SPI1: variants seen among roughly 807,000 people sequenced by gnomAD.
SPI1 encodes transcription factor PU.1.
A neutral mutation model predicts 30.7 loss-of-function variants in SPI1; 3 were observed. The observed-to-expected ratio is 0.10, with a 90% CI of 0.04 to 0.25. The LOEUF is 0.25. Ranked by LOEUF, SPI1 falls within the 10% of genes least tolerant of loss-of-function variation. The pLI is 1.00. For missense variants in SPI1, 261 were observed against 371.5 expected, an observed-to-expected ratio of 0.70 and a Z score of 2.45; for synonymous variants, 169 against 157.1, an observed-to-expected ratio of 1.08 and a Z score of -0.56.
Position 47,354,947 on chromosome 11 carries a change from G to T in SPI1, c.*280C>A. On this transcript the variant is annotated 3_prime_UTR_variant, in exon 5 of 5. Transcript: ENST00000378538. ...GGAGATCTGATTTACATACGGACTT[G>T]AGACTCCCAAGGCAGTACCCCGGGT... 3.3e-6 allele frequency: 1 copy of T among 304,930 alleles called. No homozygotes were observed. Among genetic ancestry groups the T allele is most frequent in the Non-Finnish European group, 6.0e-6 (1 of 165,678 alleles). The allele number at this position is 304,930 out of a possible 1,614,324, so 18.9% of individuals were successfully genotyped here.
At chr11:47,370,658 C>A (rs1036433892) in intron 2 of SPI1, among the ~76,000 whole-genome samples, 4 of 152,150 alleles carry the variant, frequency 2.6e-5, no homozygotes, top group African/African-American at 4.8e-5. Flanking sequence ...GCAGAGATTG[C>A]GCCACTGTGC....
rs186001414 is a variant in SPI1, at chr11:47,373,277, G to A, written c.142+2356C>T. On this transcript the variant is annotated intron_variant, in intron 2 of 4. Coordinates refer to ENST00000378538, the MANE Select transcript of SPI1 (RefSeq NM_003120.3). Reference sequence around the variant, plus strand: ...TGAGGCAGGAGAATCGCTTGAATCCGGGAGGCGGAGGTTGCAGTGAGCCAA... The same window carrying A: ...TGAGGCAGGAGAATCGCTTGAATCCAGGAGGCGGAGGTTGCAGTGAGCCAA... Among the ~76,000 whole-genome samples, 903 of 151,540 alleles carry A rather than the reference G, an allele frequency of 6.0e-3. 3 individuals carry two copies. Among genetic ancestry groups the A allele is most frequent in the Non-Finnish European group, 9.1e-3 (617 of 67,852 alleles).
At chr11:47,365,332 A>T (rs1054316959) in intron 2 of SPI1, among the ~76,000 whole-genome samples, 4 of 152,158 alleles carry the variant, frequency 2.6e-5, no homozygotes, top group Non-Finnish European at 4.4e-5. Context: ...ATTTCTACAG[A>T]CCGGTAGGCA....
chr11:47,373,013 G>T (rs2095937874), intron 2 of SPI1, among the ~76,000 whole-genome samples: 2 of 152,152 alleles, frequency 1.3e-5, no homozygotes, highest in South Asian at 4.1e-4. Flanking sequence ...GTGTGTGGGG[G>T]TCTCTATGGT....
rs781405609 is a variant in SPI1, at chr11:47,375,624, CG to C, written c.142+8del. 17 of 1,610,642 alleles carry C rather than the reference CG, an allele frequency of 1.1e-5. No individual in the cohort carries two copies. Among genetic ancestry groups the C allele is most frequent in the Non-Finnish European group, 1.1e-5 (13 of 1,176,954 alleles). On this transcript the variant is annotated splice_region_variant and intron_variant, in intron 2 of 4. Coordinates refer to ENST00000378538, the MANE Select transcript of SPI1 (RefSeq NM_003120.3). This position sits in a 1 kb window ranked among gnomAD's most constrained non-coding sequence, Gnocchi z 4.2. ...TGGGGGATGGGGGCGTGGCAGGCCC[CG>C]TACTCACCGCTATGGCTCTCCCCAT...
intron 2 of SPI1, among the ~76,000 whole-genome samples, chr11:47,368,571 A>G (rs1235926562): frequency 1.3e-5 from 2 of 152,254 alleles, no homozygotes; most frequent in South Asian, 2.1e-4. Flanking sequence ...ATACAATGGA[A>G]TATGATTCAA....
At chr11:47,372,061 A>T (rs2095936649) in intron 2 of SPI1, among the ~76,000 whole-genome samples, 1 of 151,170 alleles carries the variant, frequency 6.6e-6, no homozygotes, top group Admixed American at 6.6e-5. Context: ...CCCCATGTAG[A>T]CACTCCGCAT....
chr11:47,355,768 GCACT>G (rs1343599701), intron 4 of SPI1, among the ~76,000 whole-genome samples: 1 of 118,550 alleles, frequency 8.4e-6, no homozygotes, highest in Non-Finnish European at 1.8e-5. Flanking sequence ...TCACACCCAC[GCACT>G]CACCCCCCCC....
At chr11:47,356,677 C>G (rs1329194722) in intron 4 of SPI1, among the ~76,000 whole-genome samples, 1 of 151,754 alleles carries the variant, frequency 6.6e-6, no homozygotes, top group Non-Finnish European at 1.5e-5. Context: ...ACCCTCACAC[C>G]TTACATTGCT....
At position 47,359,970 on chromosome 11, in the gene SPI1, C is replaced by T. The variant is rs760889389; in HGVS notation, c.213G>A (p.Thr71=). 1.7e-5 allele frequency: 28 copies of T among 1,609,748 alleles called. No individual in the cohort carries two copies. The highest frequency in any genetic ancestry group is 1.5e-4 in the Admixed American group (9 of 59,774). ...GCGGGGGCTGCACGCTCTGGAGCTC[C>T]GTGAAGTTGTTCTCGGCGAAGCTCT... ...EFESFAENNF[T]ELQSVQPPQL... is the part of the protein sequence containing the mutation. Residue 71 remains threonine (T), a synonymous_variant, in exon 3 of 5, where the codon ACG becomes ACA. Coordinates refer to ENST00000378538, the MANE Select transcript of SPI1 (RefSeq NM_003120.3). The surrounding 1 kb of genome is among the most constrained non-coding windows in gnomAD (Gnocchi z 5.1).
intron 4 of SPI1, among the ~76,000 whole-genome samples, chr11:47,357,097 T>A (rs2095911824): frequency 1.4e-5 from 2 of 146,828 alleles, no homozygotes; most frequent in Non-Finnish European, 3.0e-5. Flanking sequence ...TGCTAACACC[T>A]CACACATTCA....
chr11:47,373,338 C>T (rs891219793), intron 2 of SPI1, among the ~76,000 whole-genome samples: 2 of 149,152 alleles, frequency 1.3e-5, no homozygotes, highest in Admixed American at 6.7e-5. Context: ...GGCGACAGTA[C>T]GAGACTCCGT....
intron 4 of SPI1, among the ~76,000 whole-genome samples, chr11:47,357,001 C>T (rs938424903): frequency 3.3e-5 from 5 of 150,612 alleles, no homozygotes; most frequent in Non-Finnish European, 5.9e-5. Flanking sequence ...TATCCATACA[C>T]ACACTTCCTC....
intron 4 of SPI1, chr11:47,358,572 C>T (rs1300947906): frequency 5.7e-6 from 4 of 701,290 alleles, no homozygotes; most frequent in South Asian, 4.4e-5. Context: ...TGCACACTTG[C>T]TCACACACAC....
chr11:47,368,320 G>A (rs960293513), intron 2 of SPI1, among the ~76,000 whole-genome samples: 6 of 152,098 alleles, frequency 3.9e-5, no homozygotes, highest in South Asian at 2.1e-4. Flanking sequence ...AGCTGAGATC[G>A]TACCACTCCA....
intron 1 of SPI1, among the ~76,000 whole-genome samples, chr11:47,377,126 G>C (rs1008110230): frequency 1.6e-4 from 24 of 152,194 alleles, no homozygotes; most frequent in African/African-American, 5.3e-4. Flanking sequence ...TCCTGCCTGT[G>C]GCTGGCCAAG....
chr11:47,357,165 C>T (rs1405399174), intron 4 of SPI1, among the ~76,000 whole-genome samples: 6 of 150,614 alleles, frequency 4.0e-5, no homozygotes, highest in African/African-American at 9.8e-5. Context: ...CACACACATG[C>T]TCACATCTCA....
chr11:47,357,541 C>CAT (rs1412236388), intron 4 of SPI1, among the ~76,000 whole-genome samples: 53 of 151,580 alleles, frequency 3.5e-4, no homozygotes, highest in Non-Finnish European at 2.9e-5. Flanking sequence ...TGCTCACACA[C>CAT]ACCTGCTCTC....
intron 1 of SPI1, among the ~76,000 whole-genome samples, chr11:47,376,620 T>C (rs923365523): frequency 6.7e-6 from 1 of 149,316 alleles, no homozygotes; most frequent in Non-Finnish European, 1.5e-5. Context: ...CCTCCTTTTC[T>C]TCCCCCTCTT....
Sources: gnomAD v4.1 joint callset for allele counts (sites outside exome capture counted in the v4.1 genomes callset) on GRCh38, gnomAD v4.1.1 for gene constraint, Gnocchi (gnomAD v3.1) non-coding constraint, MANE v1.5 for transcripts, NCBI Gene and HGNC (gene_info 2026-07-23, HGNC 2026-07-21) for gene names.